SMAD3: variants seen among roughly 807,000 people sequenced by gnomAD.
SMAD3 encodes the protein MAD homolog 3.
In SMAD3, 12 loss-of-function variants were observed where a neutral mutation model predicts 51.8. The ratio of observed to expected loss-of-function variants is 0.23; its 90% CI spans 0.15 to 0.38. SMAD3 has a LOEUF of 0.38. Among genes scored for constraint, SMAD3 ranks in the 10% least tolerant of loss-of-function variants. The pLI is 1.00. For synonymous variants in SMAD3, 238 were observed against 227.7 expected (o/e 1.05, Z -0.41); for missense variants, 294 against 565.6 (o/e 0.52, Z 4.87).
intron 1 of SMAD3, among the ~76,000 whole-genome samples, chr15:67,096,640 CTTT>C (rs532008867): frequency 6.9e-6 from 1 of 144,888 alleles, no homozygotes. Context: ...ATGATTGATA[CTTT>C]TTTTTTTTTT....
Position 67,181,921 on chromosome 15 carries a change from G to A in SMAD3, c.871+468G>A, listed in dbSNP as rs541373873. ...CTGCCTCAGCTTCCCAAGTAGCTGG[G>A]ATTACAGGCACCCAACCACCACGCC... On this transcript the variant is annotated intron_variant, in intron 6 of 8. Transcript: ENST00000327367. Among the ~76,000 whole-genome samples, 20 of 152,126 alleles carry A rather than the reference G, an allele frequency of 1.3e-4. No individual in the cohort carries two copies. The South Asian group carries it at 3.3e-3, about 25-fold the overall frequency.
At chr15:67,066,676 G>A (rs1325038038) in intron 1 of SMAD3, among the ~76,000 whole-genome samples, 1 of 152,108 alleles carries the variant, frequency 6.6e-6, no homozygotes, top group African/African-American at 2.4e-5. Flanking sequence ...CCACTCCGGG[G>A]AGCTGGGGCT....
intron 7 of SMAD3, among the ~76,000 whole-genome samples, chr15:67,185,467 GGT>G (rs1220539060): frequency 6.6e-6 from 1 of 152,186 alleles, no homozygotes; most frequent in Non-Finnish European, 1.5e-5. Flanking sequence ...AAGGGCCTGA[GGT>G]AATGGAGGGC....
chr15:67,113,076 G>GTATATATATATA (rs1555408269), intron 1 of SMAD3, among the ~76,000 whole-genome samples: 445 of 34,978 alleles, frequency 0.013, 44 homozygotes, highest in South Asian at 0.023. Flanking sequence ...ATATATATGT[G>GTATATATATATA]TATATATATA....
chr15:67,085,854 C>CA (rs1304207338), intron 1 of SMAD3, among the ~76,000 whole-genome samples: 14 of 140,414 alleles, frequency 1.0e-4, no homozygotes, highest in South Asian at 2.3e-4. Flanking sequence ...AGTGGTTGGT[C>CA]AAAAAAAAAG....
Position 67,066,439 on chromosome 15 carries a change from G to T in SMAD3, c.206+79G>T, listed in dbSNP as rs1359394298. 5 of 1,133,206 alleles carry T rather than the reference G, an allele frequency of 4.4e-6. No individual in the cohort carries two copies. The Admixed American group carries it at 7.8e-5, about 18-fold the overall frequency. 70.2% of individuals were successfully genotyped at this position (1,133,206 alleles called of 1,614,324 possible). A position where few individuals can be genotyped will look rare whatever the true frequency, so the allele number is the denominator to read the frequency against. On this transcript the variant is annotated intron_variant, in intron 1 of 8. Coordinates refer to ENST00000327367, the MANE Select transcript of SMAD3 (RefSeq NM_005902.4). ...CTGCGGGGCCGACCCAGTGGGGCTG[G>T]AGATGGGAAGAGGGAGAGAGAGGGA...
Position 67,192,924 on chromosome 15 carries a change from TC to T in SMAD3, c.*2390del, listed in dbSNP as rs750918524. On this transcript the variant is annotated 3_prime_UTR_variant, in exon 9 of 9. Coordinates refer to ENST00000327367, the MANE Select transcript of SMAD3 (RefSeq NM_005902.4). ...GTTTTGTGTTTTTCCAAAGGATACTTCCTTGGCCCTTTTTCTTTATTGACTA... is the reference window on the plus strand; with the variant it reads ...GTTTTGTGTTTTTCCAAAGGATACTTCTTGGCCCTTTTTCTTTATTGACTA... 6 of 233,184 alleles carry T rather than the reference TC, an allele frequency of 2.6e-5. No individual in the cohort carries two copies. Among genetic ancestry groups the T allele is most frequent in the Non-Finnish European group, 4.2e-5 (5 of 117,972 alleles). 14.4% of individuals were successfully genotyped at this position (233,184 alleles called of 1,614,324 possible). A position where few individuals can be genotyped will look rare whatever the true frequency, so the allele number is the denominator to read the frequency against.
chr15:67,084,311 G>A (rs2140207794), intron 1 of SMAD3, among the ~76,000 whole-genome samples: 1 of 151,272 alleles, frequency 6.6e-6, no homozygotes, highest in East Asian at 1.9e-4. Context: ...TCCATCTCCT[G>A]ACCTCGTGAT....
chr15:67,073,092 C>G (rs1027539053), intron 1 of SMAD3, among the ~76,000 whole-genome samples: 2 of 151,876 alleles, frequency 1.3e-5, no homozygotes, highest in Non-Finnish European at 2.9e-5. Flanking sequence ...TATGTGTTCA[C>G]TCTTTAGCTA....
chr15:67,139,848 G>A (rs780487658), intron 1 of SMAD3, among the ~76,000 whole-genome samples: 9 of 152,198 alleles, frequency 5.9e-5, no homozygotes, highest in Admixed American at 1.3e-4. Flanking sequence ...GCCAGGTGTG[G>A]TGGTTCATGC....
In SMAD3 at chr15:67,191,040, G is replaced by A. The variant is rs1163396641; in HGVS notation, c.*504G>A. The A allele has an allele frequency of 9.0e-5, 8 of 88,508 alleles. No homozygotes were observed. The highest frequency in any genetic ancestry group is 8.5e-4 in the South Asian group (2 of 2,364). 5.5% of individuals were successfully genotyped at this position (88,508 alleles called of 1,614,324 possible). On this transcript the variant is annotated 3_prime_UTR_variant, in exon 9 of 9. Coordinates refer to ENST00000327367, the MANE Select transcript of SMAD3 (RefSeq NM_005902.4). ...CAGTGAACATTCCCAGCCCAGCCCC[G>A]CCCCGCCCCGCCCCACCACTCCAGC... is the stretch of plus-strand genomic sequence containing the variant.
rs1595970114 is a variant in SMAD3, at chr15:67,194,291, C to T, written c.*3755C>T. 4.3e-6 allele frequency: 1 copy of T among 233,392 alleles called. No homozygotes were observed. The allele number at this position is 233,392 out of a possible 1,614,324, so 14.5% of individuals were successfully genotyped here. On this transcript the variant is annotated 3_prime_UTR_variant, in exon 9 of 9. Transcript: ENST00000327367. ...ATTTTCATCACAGTTTAAGGAGCAT[C>T]AGCCGCTTCTCAAGTGGGTAGGGAA...
rs146890714 is a variant in SMAD3 at position 67,165,852 on chromosome 15, T to C, written c.532+468T>C. ...AACCTGGGTGGGAATTGAAGTGACT[T>C]TGAGTTTTCACTCTGCAGGGAGAAA... On this transcript the variant is annotated intron_variant, in intron 3 of 8. Coordinates refer to ENST00000327367, the MANE Select transcript of SMAD3 (RefSeq NM_005902.4). 1.2e-4 allele frequency among the ~76,000 whole-genome samples: 19 copies of C among 152,332 alleles called. No individual in the cohort carries two copies. In the East Asian group the frequency reaches 3.1e-3, roughly 25 times the overall value.
At chr15:67,084,070 CTTTTTTTTTTTTTT>C (rs56675753) in intron 1 of SMAD3, among the ~76,000 whole-genome samples, 2 of 85,066 alleles carry the variant, frequency 2.4e-5, no homozygotes, top group East Asian at 3.8e-4. Context: ...CTTTTTTTTT[CTTTTTTTTTTTTTT>C]TTTTTTTTTG....
chr15:67,161,332 T>A (rs1187278124), intron 1 of SMAD3, among the ~76,000 whole-genome samples: 3 of 152,210 alleles, frequency 2.0e-5, no homozygotes, highest in Non-Finnish European at 4.4e-5. Context: ...AGCTCCCTTG[T>A]TTTTAAAAGT....
At chr15:67,124,762 C>T (rs1197982301) in intron 1 of SMAD3, among the ~76,000 whole-genome samples, 3 of 152,202 alleles carry the variant, frequency 2.0e-5, no homozygotes, top group Non-Finnish European at 4.4e-5. Flanking sequence ...CTGCTCTGTG[C>T]CTGAATGAGG....
At chr15:67,096,969 C>G (rs562822435) in intron 1 of SMAD3, among the ~76,000 whole-genome samples, 2 of 152,304 alleles carry the variant, frequency 1.3e-5, no homozygotes, top group African/African-American at 4.8e-5. Context: ...GTCTCCTGAG[C>G]ATTTACTTTT....
At chr15:67,084,587 G>T (rs1361462003) in intron 1 of SMAD3, among the ~76,000 whole-genome samples, 2 of 152,098 alleles carry the variant, frequency 1.3e-5, no homozygotes, top group East Asian at 1.9e-4. Context: ...TCTTTTGTTG[G>T]TGGTGGTGCC....
intron 1 of SMAD3, among the ~76,000 whole-genome samples, chr15:67,099,572 A>T (rs529455494): frequency 2.6e-5 from 4 of 152,310 alleles, no homozygotes; most frequent in African/African-American, 9.6e-5. Context: ...ACATTGGAGA[A>T]CTGGGGGAAT....
Sources: gnomAD v4.1 joint callset for allele counts (sites outside exome capture counted in the v4.1 genomes callset) on GRCh38, gnomAD v4.1.1 for gene constraint, MANE v1.5 for transcripts, NCBI Gene and HGNC (gene_info 2026-07-23, HGNC 2026-07-21) for gene names.